The following SELENOI variants were observed in gnomAD, a reference collection of about 807,000 sequenced individuals.
SELENOI encodes selenoprotein I, also known as ethanolaminephosphotransferase 1.
A neutral mutation model predicts 50.7 loss-of-function variants in SELENOI; 24 were observed. That is an observed-to-expected ratio of 0.47 (90% CI 0.34 to 0.67). The LOEUF (loss-of-function observed/expected upper bound fraction) is 0.67, where lower values mean the gene tolerates loss of function less well. Ranked by LOEUF, SELENOI falls within the 30% of genes least tolerant of loss-of-function variation. The probability of loss-of-function intolerance (pLI) is 0.01; values close to 1 mark genes in which losing one functional copy is unlikely to be tolerated. For synonymous variants in SELENOI, 155 were observed against 170.2 expected, an observed-to-expected ratio of 0.91 and a Z score of 0.70; for missense variants, 352 against 461.4, an observed-to-expected ratio of 0.76 and a Z score of 2.17.
intron 5 of SELENOI, among the ~76,000 whole-genome samples, chr2:26,374,030 G>A (rs1433574404): frequency 6.6e-6 from 1 of 152,066 alleles, no homozygotes; most frequent in Non-Finnish European, 1.5e-5. Flanking sequence ...AGGATTACAG[G>A]CATGAGCCAC....
chr2:26,355,235 T>C (rs1677040688), intron 1 of SELENOI, among the ~76,000 whole-genome samples: 2 of 152,342 alleles, frequency 1.3e-5, no homozygotes, highest in South Asian at 4.1e-4. Context: ...CTGGTGGTTA[T>C]ACCAAGAGAA....
chr2:26,366,498 C>T (rs1019023402), intron 3 of SELENOI, among the ~76,000 whole-genome samples: 1 of 152,024 alleles, frequency 6.6e-6, no homozygotes, highest in African/African-American at 2.4e-5. Flanking sequence ...AGTTCAAGGA[C>T]CAGATAAACC....
chr2:26,364,482 A>G lies in SELENOI; in HGVS notation c.126+112A>G, dbSNP rs1046633755. The G allele has an allele frequency of 2.0e-5, 14 of 705,524 alleles. No individual in the cohort carries two copies. The African/African-American group carries it at 2.3e-4, about 12-fold the overall frequency. The allele number at this position is 705,524 out of a possible 1,614,324, so 43.7% of individuals were successfully genotyped here. ...TCAGTTTCATAAGATATTTAGAGAAACCACCCTTCCCCAATCACAATACCC... is the reference window on the plus strand; with the variant it reads ...TCAGTTTCATAAGATATTTAGAGAAGCCACCCTTCCCCAATCACAATACCC... On this transcript the variant is annotated intron_variant, in intron 2 of 9. Transcript: ENST00000260585.
In SELENOI at chr2:26,392,821, C is replaced by T. The variant is rs1315212275; in HGVS notation, c.*3718C>T. On this transcript the variant is annotated 3_prime_UTR_variant, in exon 10 of 10. Transcript: ENST00000260585. ...TCTATAGAAAATTTGTGAAGTCAGA[C>T]CAGAATTTTCTTTGTCCCATGAGGT... The T allele has an allele frequency of 6.6e-6, 1 of 152,206 alleles. No homozygotes were observed. Among genetic ancestry groups the T allele is most frequent in the East Asian group, 1.9e-4 (1 of 5,196 alleles). The allele number at this position is 152,206 out of a possible 1,614,324, so 9.4% of individuals were successfully genotyped here. A position where few individuals can be genotyped will look rare whatever the true frequency, so the allele number is the denominator to read the frequency against.
chr2:26,367,246 T>A, intron 4 of SELENOI, 26 bp downstream of exon 4: 1 of 1,566,932 alleles, frequency 6.4e-7, no homozygotes, highest in Non-Finnish European at 8.7e-7. Flanking sequence ...ATACTTACTA[T>A]AGTCAGTGAC....
chr2:26,362,985 C>T (rs1574753603), intron 1 of SELENOI, among the ~76,000 whole-genome samples: 1 of 152,020 alleles, frequency 6.6e-6, no homozygotes. Flanking sequence ...ATCAACATGA[C>T]CCTTAAAGTT....
chr2:26,359,207 C>T (rs1308384098), intron 1 of SELENOI, among the ~76,000 whole-genome samples: 3 of 152,156 alleles, frequency 2.0e-5, no homozygotes, highest in African/African-American at 7.2e-5. Flanking sequence ...AGAAAAAGCT[C>T]TCCAACCCCT....
At chr2:26,373,118 G>A (rs997390083) in intron 4 of SELENOI, among the ~76,000 whole-genome samples, 8 of 152,080 alleles carry the variant, frequency 5.3e-5, no homozygotes, top group African/African-American at 1.9e-4. Flanking sequence ...CAAACTTGTG[G>A]GCTCAAGTGA....
chr2:26,379,919 C>T (rs555648386), intron 6 of SELENOI, among the ~76,000 whole-genome samples: 2 of 152,146 alleles, frequency 1.3e-5, no homozygotes, highest in African/African-American at 4.8e-5. Flanking sequence ...CAACAGTCTC[C>T]GAATACAGTA....
chr2:26,373,763 T>C, intron 5 of SELENOI, 134 bp downstream of exon 5: 1 of 905,768 alleles, frequency 1.1e-6, no homozygotes, highest in Non-Finnish European at 1.6e-6. Flanking sequence ...TATTTTTATT[T>C]ATGGAAAATT....
chr2:26,379,003 TGTGG>T (rs1288284269), intron 6 of SELENOI, among the ~76,000 whole-genome samples: 1 of 152,204 alleles, frequency 6.6e-6, no homozygotes, highest in Non-Finnish European at 1.5e-5. Flanking sequence ...GGCTGGGTGC[TGTGG>T]CTCACACCTA....
At chr2:26,358,044 A>G (rs902998973) in intron 1 of SELENOI, among the ~76,000 whole-genome samples, 1 of 151,984 alleles carries the variant, frequency 6.6e-6, no homozygotes, top group South Asian at 2.1e-4. Flanking sequence ...GCCTTCCACT[A>G]TGATTGTGAG....
intron 1 of SELENOI, among the ~76,000 whole-genome samples, chr2:26,362,128 C>T (rs1677191052): frequency 6.6e-6 from 1 of 152,086 alleles, no homozygotes; most frequent in Non-Finnish European, 1.5e-5. Flanking sequence ...CAGAGTCTTG[C>T]TCTGTCGCCC....
intron 1 of SELENOI, among the ~76,000 whole-genome samples, chr2:26,350,787 G>A (rs1200040728): frequency 6.6e-6 from 1 of 152,066 alleles, no homozygotes; most frequent in Non-Finnish European, 1.5e-5. Context: ...TGGAGGTGAA[G>A]GCAAAGCTCA....
rs1677935181 is a variant in SELENOI at position 26,390,276 on chromosome 2, A to G, written c.*1173A>G. ...GTTGTTCTATAAACCATATTTTTTC[A>G]TGATGTGGATATTTTCTTCTATTTC... is the stretch of plus-strand genomic sequence containing the variant. On this transcript the variant is annotated 3_prime_UTR_variant, in exon 10 of 10. Coordinates refer to ENST00000260585, the MANE Select transcript of SELENOI (RefSeq NM_033505.4). The G allele has an allele frequency of 6.6e-6, 1 of 152,260 alleles. No homozygotes were observed. Among genetic ancestry groups the G allele is most frequent in the Non-Finnish European group, 1.5e-5 (1 of 67,984 alleles). The allele number at this position is 152,260 out of a possible 1,614,324, so 9.4% of individuals were successfully genotyped here.
chr2:26,354,512 G>A (rs761257112), intron 1 of SELENOI, among the ~76,000 whole-genome samples: 17 of 151,998 alleles, frequency 1.1e-4, no homozygotes, highest in Non-Finnish European at 2.2e-4. Context: ...TCAGCCTCCC[G>A]ATTAGCTGGG....
chr2:26,363,244 C>G (rs992717106), intron 1 of SELENOI, among the ~76,000 whole-genome samples: 1 of 152,184 alleles, frequency 6.6e-6, no homozygotes, highest in African/African-American at 2.4e-5. Flanking sequence ...CATATCTAAT[C>G]CTTATGACAA....
chr2:26,349,092 T>C (rs1295833971), intron 1 of SELENOI, among the ~76,000 whole-genome samples: 2 of 131,498 alleles, frequency 1.5e-5, no homozygotes, highest in Non-Finnish European at 3.1e-5. Flanking sequence ...CTCAGCTCAC[T>C]GAAACCTCCG....
intron 1 of SELENOI, among the ~76,000 whole-genome samples, chr2:26,349,888 G>T (rs1574746873): frequency 7.0e-6 from 1 of 143,450 alleles, no homozygotes. Flanking sequence ...TGGGAGGATG[G>T]CTTGAGGATA....
Sources: gnomAD v4.1 joint callset for allele counts (sites outside exome capture counted in the v4.1 genomes callset) on GRCh38, gnomAD v4.1.1 for gene constraint, MANE v1.5 for transcripts, NCBI Gene and HGNC (gene_info 2026-07-23, HGNC 2026-07-21) for gene names.